MAN2B2: variants seen among roughly 807,000 people sequenced by gnomAD.
The protein encoded by MAN2B2 is mannosidase alpha class 2B member 2.
A neutral mutation model predicts 117.1 loss-of-function variants in MAN2B2; 106 were observed. The observed-to-expected ratio is 0.90, with a 90% CI of 0.77 to 1.06. The LOEUF (loss-of-function observed/expected upper bound fraction) is 1.06. Ranked by LOEUF, MAN2B2 falls within the 50% of genes least tolerant of loss-of-function variation. MAN2B2 has a pLI of 0.00. For synonymous variants in MAN2B2, 544 were observed against 595.1 expected (o/e 0.91, Z 1.25); for missense variants, 1,326 against 1,381.4 (o/e 0.96, Z 0.64).
intron 1 of MAN2B2, among the ~76,000 whole-genome samples, chr4:6,575,828 G>C (rs1022614589): frequency 3.0e-4 from 46 of 152,328 alleles, no homozygotes; most frequent in African/African-American, 1.1e-3. Flanking sequence ...TGGGCGAGGG[G>C]CTTTGGTCCC....
intron 16 of MAN2B2, among the ~76,000 whole-genome samples, chr4:6,617,013 A>G (rs1257922011): frequency 1.3e-5 from 2 of 152,232 alleles, no homozygotes; most frequent in African/African-American, 2.4e-5. Flanking sequence ...GAGGCCTCAC[A>G]ATCATGGCAG....
At chr4:6,611,431 C>G (rs1388855496) in intron 15 of MAN2B2, among the ~76,000 whole-genome samples, 153 bp downstream of exon 15, 3 of 152,218 alleles carry the variant, frequency 2.0e-5, no homozygotes, top group Non-Finnish European at 4.4e-5. Flanking sequence ...CCTCATTTAA[C>G]AGATGGGCAA....
intron 10 of MAN2B2, among the ~76,000 whole-genome samples, chr4:6,602,799 T>G (rs1403978894): frequency 6.6e-6 from 1 of 151,786 alleles, no homozygotes; most frequent in African/African-American, 2.4e-5. Flanking sequence ...GTCTCCTGAG[T>G]AGCTGGGACC....
At position 6,622,734 on chromosome 4, in the gene MAN2B2, C is replaced by T. The variant is rs1347086790; in HGVS notation, c.*1449C>T. 6.6e-6 allele frequency: 1 copy of T among 151,698 alleles called. No individual in the cohort carries two copies. Among genetic ancestry groups the T allele is most frequent in the African/African-American group, 2.4e-5 (1 of 40,942 alleles). 9.4% of individuals were successfully genotyped at this position (151,698 alleles called of 1,614,324 possible). Reference sequence around the variant, plus strand: ...TACAGGCGTGAGCCAATGTGCCCGGCCTAAACCGTTTTAAAGAGTAAACTG... The same window carrying T: ...TACAGGCGTGAGCCAATGTGCCCGGTCTAAACCGTTTTAAAGAGTAAACTG... On this transcript the variant is annotated 3_prime_UTR_variant, in exon 19 of 19. Coordinates refer to ENST00000285599, the MANE Select transcript of MAN2B2 (RefSeq NM_015274.3).
chr4:6,602,770 A>G (rs1454159383), intron 10 of MAN2B2, among the ~76,000 whole-genome samples: 6 of 151,878 alleles, frequency 4.0e-5, no homozygotes, highest in African/African-American at 1.5e-4. Flanking sequence ...CCCAAGCTCA[A>G]GTTGATTCTC....
rs1726928732 is a variant in MAN2B2, at chr4:6,593,290, G to A, written c.798G>A (p.Leu266=). 6.2e-7 allele frequency: 1 copy of A among 1,613,978 alleles called. No individual in the cohort carries two copies. Among genetic ancestry groups the A allele is most frequent in the Non-Finnish European group, 8.5e-7 (1 of 1,179,948 alleles). The part of the protein sequence containing the change: ...PANINLYAEA[L]VANVKQRAAW... ...ACATCAACCTCTATGCCGAGGCCCT[G>A]GTGGCCAACGTGAAGCAGAGGGCCG... is the stretch of plus-strand genomic sequence containing the variant. Residue 266 remains leucine, a synonymous_variant, in exon 6 of 19, where the codon CTG becomes CTA. Coordinates refer to ENST00000285599, the MANE Select transcript of MAN2B2 (RefSeq NM_015274.3).
At chr4:6,584,332 G>A (rs375168446) in intron 3 of MAN2B2, among the ~76,000 whole-genome samples, 3 of 152,328 alleles carry the variant, frequency 2.0e-5, no homozygotes, top group African/African-American at 7.2e-5. Flanking sequence ...GTCACGATAT[G>A]GCTGCCATAG....
At position 6,622,107 on chromosome 4, in the gene MAN2B2, A is replaced by C. The variant is rs1044536008; in HGVS notation, c.*822A>C. ...TGTTCTGTCCATACAATGGAATATT[A>C]TTTGGCCATAAAAAGGAAGGAAATT... On this transcript the variant is annotated 3_prime_UTR_variant, in exon 19 of 19. Transcript: ENST00000285599. 6.6e-6 allele frequency: 1 copy of C among 152,262 alleles called. No homozygotes were observed. Among genetic ancestry groups the C allele is most frequent in the Non-Finnish European group, 1.5e-5 (1 of 68,044 alleles). 9.4% of individuals were successfully genotyped at this position (152,262 alleles called of 1,614,324 possible).
intron 11 of MAN2B2, among the ~76,000 whole-genome samples, chr4:6,606,056 C>T (rs1234886538): frequency 2.6e-5 from 4 of 152,350 alleles, no homozygotes; most frequent in South Asian, 2.1e-4. Flanking sequence ...TCAGGCCCAG[C>T]TGCCTCTGCC....
intron 18 of MAN2B2, 128 bp from the exon 19 acceptor site, chr4:6,621,060 A>T: frequency 1.5e-6 from 1 of 652,090 alleles, no homozygotes; most frequent in Non-Finnish European, 2.7e-6. Context: ...AGCAGATTGT[A>T]GACAGGTGCA....
rs577880592 is a variant in MAN2B2, at chr4:6,582,334, G to A, written c.391+3836G>A. Among the ~76,000 whole-genome samples the A allele has an allele frequency of 7.2e-5, 11 of 152,152 alleles. No homozygotes were observed. The East Asian group carries it at 1.2e-3, about 16-fold the overall frequency. ...GCAGTATTTAGTTGTTGTTGTTGCC[G>A]TTGCTGCTGTTGTTGTTGTTGTTAG... On this transcript the variant is annotated intron_variant, in intron 3 of 18. Coordinates refer to ENST00000285599, the MANE Select transcript of MAN2B2 (RefSeq NM_015274.3).
chr4:6,609,094 C>T lies in MAN2B2; in HGVS notation c.1815-13C>T. ...AGGATGAGAATGACATCTTCTCTCTCCTGCCTCTGCAGACAGAGTAACCGA... is the reference window on the plus strand; with the variant it reads ...AGGATGAGAATGACATCTTCTCTCTTCTGCCTCTGCAGACAGAGTAACCGA... On this transcript the variant is annotated splice_polypyrimidine_tract_variant and intron_variant, in intron 11 of 18. Coordinates refer to ENST00000285599, the MANE Select transcript of MAN2B2 (RefSeq NM_015274.3). 1 of 1,609,014 alleles carries T rather than the reference C, an allele frequency of 6.2e-7. No individual in the cohort carries two copies. Among genetic ancestry groups the T allele is most frequent in the Non-Finnish European group, 8.5e-7 (1 of 1,176,914 alleles).
At chr4:6,579,300 A>ACCCT (rs1231271134) in intron 3 of MAN2B2, among the ~76,000 whole-genome samples, 2 of 74,328 alleles carry the variant, frequency 2.7e-5, no homozygotes, top group African/African-American at 5.0e-5. Context: ...CACCACCACC[A>ACCCT]TCACCACCAC....
intron 6 of MAN2B2, 123 bp downstream of exon 6, chr4:6,593,473 G>A: frequency 1.0e-6 from 1 of 973,750 alleles, no homozygotes; most frequent in Non-Finnish European, 1.4e-6. Context: ...CAGCCCAGTG[G>A]CTCCATCCTC....
chr4:6,575,394 C>T, intron 1 of MAN2B2, 46 bp downstream of exon 1: 1 of 1,397,868 alleles, frequency 7.2e-7, no homozygotes, highest in Non-Finnish European at 9.5e-7. Context: ...TGCAGCTTCC[C>T]TCTCCCCGCG....
chr4:6,606,386 G>C (rs1263669779), intron 11 of MAN2B2, among the ~76,000 whole-genome samples: 1 of 152,232 alleles, frequency 6.6e-6, no homozygotes, highest in Non-Finnish European at 1.5e-5. Flanking sequence ...GGCAAGGGGG[G>C]AGTTGGGCAG....
At chr4:6,602,977 G>GT (rs1257216036) in intron 10 of MAN2B2, among the ~76,000 whole-genome samples, 1 of 152,152 alleles carries the variant, frequency 6.6e-6, no homozygotes, top group Non-Finnish European at 1.5e-5. Flanking sequence ...CACCAGGCCT[G>GT]TTCACACTCC....
rs76910642 is a variant in MAN2B2 at position 6,586,597 on chromosome 4, C to T, written c.392-399C>T. ...GTGTGATTCCGCTGATATCTACAGG[C>T]ATCAAATTCATGCAGTCAGGGAGTA... On this transcript the variant is annotated intron_variant, in intron 3 of 18. Transcript: ENST00000285599. 7.7e-3 allele frequency among the ~76,000 whole-genome samples: 1,171 copies of T among 151,914 alleles called. 20 individuals are homozygous for T. Among genetic ancestry groups the T allele is most frequent in the African/African-American group, 0.027 (1,105 of 41,422 alleles).
At position 6,598,232 on chromosome 4, in the gene MAN2B2, C is replaced by T. The variant is rs1436961512; in HGVS notation, c.1283C>T (p.Ser428Phe). Residue 428 changes from serine (S) to phenylalanine (F), a missense_variant, in exon 9 of 19, where the codon TCC becomes TTC. Transcript: ENST00000285599. ...QHHDAITGTE[S>F]PKVRDMYATH... ...CATGATGCCATCACTGGGACTGAGTCCCCCAAGGTGAGAGACATGTACGCA... is the reference window on the plus strand; with the variant it reads ...CATGATGCCATCACTGGGACTGAGTTCCCCAAGGTGAGAGACATGTACGCA... 9 of 1,613,612 alleles carry T rather than the reference C, an allele frequency of 5.6e-6. No individual in the cohort carries two copies. Among genetic ancestry groups the T allele is most frequent in the Non-Finnish European group, 6.8e-6 (8 of 1,180,024 alleles).
Sources: gnomAD v4.1 joint callset for allele counts (sites outside exome capture counted in the v4.1 genomes callset) on GRCh38, gnomAD v4.1.1 for gene constraint, MANE v1.5 for transcripts, NCBI Gene and HGNC (gene_info 2026-07-23, HGNC 2026-07-21) for gene names.